ALPK2: variants seen among roughly 807,000 people sequenced by gnomAD.
ALPK2 encodes alpha-protein kinase 2.
Under a neutral mutation model 163.1 loss-of-function variants are expected in ALPK2, and 127 were observed. That is an observed-to-expected ratio of 0.78 (90% CI 0.67 to 0.90). The LOEUF (loss-of-function observed/expected upper bound fraction) is 0.90, where lower values mean the gene tolerates loss of function less well. Among genes scored for constraint, ALPK2 ranks in the 40% least tolerant of loss-of-function variants. ALPK2 has a pLI of 0.00. For synonymous variants in ALPK2, 953 were observed against 959.1 expected, an observed-to-expected ratio of 0.99 and a Z score of 0.12; for missense variants, 2,360 against 2,589.6, an observed-to-expected ratio of 0.91 and a Z score of 1.92.
chr18:58,534,792 A>G, intron 5 of ALPK2, 42 bp downstream of exon 5: 2 of 1,553,698 alleles, frequency 1.3e-6, no homozygotes, highest in Non-Finnish European at 1.7e-6. Context: ...CCTGGTCTAC[A>G]AGCCCAAACT....
intron 4 of ALPK2, among the ~76,000 whole-genome samples, chr18:58,553,685 T>G (rs2051771146): frequency 6.6e-6 from 1 of 152,048 alleles, no homozygotes; most frequent in Non-Finnish European, 1.5e-5. Context: ...TCACTTGGCA[T>G]TTCTCCTTCC....
chr18:58,493,472 T>A (rs2051385435), intron 12 of ALPK2, among the ~76,000 whole-genome samples: 1 of 152,190 alleles, frequency 6.6e-6, no homozygotes, highest in South Asian at 2.1e-4. Flanking sequence ...GCCTTGTGAC[T>A]GGGCAAAGCA....
intron 12 of ALPK2, among the ~76,000 whole-genome samples, chr18:58,490,266 AT>A (rs2144099304): frequency 6.6e-6 from 1 of 152,274 alleles, no homozygotes; most frequent in Admixed American, 6.5e-5. Context: ...CCCCTTGAGG[AT>A]GTCTACAAGG....
At chr18:58,539,267 C>T (rs143600206) in intron 4 of ALPK2, among the ~76,000 whole-genome samples, 140 of 152,184 alleles carry the variant, frequency 9.2e-4, no homozygotes, top group Middle Eastern at 3.4e-3. Flanking sequence ...AAAATAGATG[C>T]CCAGTGGCAG....
intron 10 of ALPK2, among the ~76,000 whole-genome samples, chr18:58,510,042 A>G (rs562043562): frequency 3.9e-5 from 6 of 152,284 alleles, no homozygotes; most frequent in Admixed American, 2.0e-4. Flanking sequence ...TCTTTAATCC[A>G]TCTTGAATTA....
At chr18:58,544,421 G>A (rs2051706955) in intron 4 of ALPK2, 1 of 152,148 alleles carries the variant, frequency 6.6e-6, no homozygotes, top group Non-Finnish European at 1.5e-5. Context: ...TGTCTTTCAT[G>A]CCAGCCAAGT....
intron 5 of ALPK2, among the ~76,000 whole-genome samples, chr18:58,533,149 C>T (rs970277301): frequency 1.3e-5 from 2 of 152,220 alleles, no homozygotes; most frequent in African/African-American, 2.4e-5. Context: ...TCCCAGAAGG[C>T]GGCATGCTCG....
At chr18:58,594,117 G>A (rs945924628) in intron 3 of ALPK2, among the ~76,000 whole-genome samples, 40 of 152,036 alleles carry the variant, frequency 2.6e-4, no homozygotes, top group Non-Finnish European at 1.2e-4. Context: ...CAGGGAACAG[G>A]CATGTTCATG....
intron 9 of ALPK2, 92 bp from the exon 10 acceptor site, chr18:58,515,173 G>C (rs1602195853): frequency 1.0e-6 from 1 of 992,000 alleles, no homozygotes. Flanking sequence ...TTCCCAGTAA[G>C]GTAAAGCCAA....
At chr18:58,591,050 G>A (rs1489041714) in intron 3 of ALPK2, among the ~76,000 whole-genome samples, 1 of 152,202 alleles carries the variant, frequency 6.6e-6, no homozygotes, top group South Asian at 2.1e-4. Flanking sequence ...CAGGTCCCAT[G>A]GGACAGCCTA....
At position 58,564,123 on chromosome 18, in the gene ALPK2, C is replaced by CTTTTTTTTTTTTTTTTTTTTTTT. The variant is rs10689097; in HGVS notation, c.1962+14690_1962+14691insAAAAAAAAAAAAAAAAAAAAAAA. Among the ~76,000 whole-genome samples the CTTTTTTTTTTTTTTTTTTTTTTT allele has an allele frequency of 6.1e-4, 63 of 102,440 alleles. 5 individuals carry two copies. Among genetic ancestry groups the CTTTTTTTTTTTTTTTTTTTTTTT allele is most frequent in the African/African-American group, 2.0e-3 (49 of 24,188 alleles). 67.2% of individuals were successfully genotyped at this position (102,440 alleles called of 152,430 possible). A position where few individuals can be genotyped will look rare whatever the true frequency, so the allele number is the denominator to read the frequency against. On this transcript the variant is annotated intron_variant, in intron 4 of 12. Transcript: ENST00000361673. ...GAATTGCGTATTTGATGTCTTTGTT[C>CTTTTTTTTTTTTTTTTTTTTTTT]TTTTTTTTTTTTTTTTGAGATGGAG...
chr18:58,491,599 C>G (rs751390299), intron 12 of ALPK2, among the ~76,000 whole-genome samples: 1 of 152,210 alleles, frequency 6.6e-6, no homozygotes, highest in Non-Finnish European at 1.5e-5. Context: ...TGACTCCCTA[C>G]GATTTCGTCT....
chr18:58,584,108 T>C (rs935444418), intron 3 of ALPK2, among the ~76,000 whole-genome samples: 11 of 152,212 alleles, frequency 7.2e-5, no homozygotes, highest in African/African-American at 2.7e-4. Flanking sequence ...AGATGGGAGA[T>C]TGTCATAATT....
intron 6 of ALPK2, among the ~76,000 whole-genome samples, chr18:58,526,618 G>A (rs1338477008): frequency 6.6e-6 from 1 of 152,190 alleles, no homozygotes; most frequent in Non-Finnish European, 1.5e-5. Flanking sequence ...GGTACTGATG[G>A]CCAAATAGCA....
chr18:58,537,721 A>T lies in ALPK2; in HGVS notation c.2466T>A (p.Leu822=), dbSNP rs761076755. The T allele has an allele frequency of 3.7e-6, 6 of 1,614,032 alleles. No individual in the cohort carries two copies. The East Asian group carries it at 1.1e-4, about 30-fold the overall frequency. ...AATATTTATCAACTGGTCTCCCAAC[A>T]AGAGAATCTATGGTATCAAAACACG... The part of the protein sequence containing the change: ...QGTCFDTIDS[L]VGRPVDKYSP... Residue 822 remains leucine (L), a synonymous_variant, in exon 5 of 13, where the codon CTT becomes CTA. Coordinates refer to ENST00000361673, the MANE Select transcript of ALPK2 (RefSeq NM_052947.4).
At chr18:58,490,679 G>A (rs2051370018) in intron 12 of ALPK2, among the ~76,000 whole-genome samples, 1 of 152,038 alleles carries the variant, frequency 6.6e-6, no homozygotes, top group African/African-American at 2.4e-5. Context: ...AAAAATGTGA[G>A]AGGAGGGCAG....
intron 8 of ALPK2, 46 bp from the exon 9 acceptor site, chr18:58,517,228 T>A: frequency 1.3e-6 from 2 of 1,580,406 alleles, no homozygotes; most frequent in Non-Finnish European, 1.7e-6. Flanking sequence ...CTCCCAGTCC[T>A]GCTCCTTGGC....
At chr18:58,503,508 C>T (rs982582658) in intron 11 of ALPK2, among the ~76,000 whole-genome samples, 1 of 152,056 alleles carries the variant, frequency 6.6e-6, no homozygotes, top group Non-Finnish European at 1.5e-5. Context: ...CCTGGGAAAC[C>T]GTCCAGGACG....
At position 58,516,763 on chromosome 18, in the gene ALPK2, C is replaced by T. The variant is rs534386853; in HGVS notation, c.5940+145G>A. The T allele has an allele frequency of 2.5e-5, 25 of 1,006,730 alleles. No individual in the cohort carries two copies. The Admixed American group carries it at 6.0e-4, about 24-fold the overall frequency. The allele number at this position is 1,006,730 out of a possible 1,614,324, so 62.4% of individuals were successfully genotyped here. On this transcript the variant is annotated intron_variant, in intron 9 of 12. Transcript: ENST00000361673. ...CTCCCGAGAATTGAGAAGTGATCCC[C>T]AGCATTGAGATTGAATTGAAACCCC...
Sources: allele counts gnomAD v4.1 joint callset (sites outside exome capture counted in the v4.1 genomes callset), GRCh38; gene constraint gnomAD v4.1.1; transcripts MANE v1.5; gene names NCBI Gene and HGNC (gene_info 2026-07-23, HGNC 2026-07-21).